The following PCDHGA11 variants were observed in gnomAD, a reference collection of about 807,000 sequenced individuals.
PCDHGA11 encodes the protein protocadherin gamma-A11.
Under a neutral mutation model 60.4 loss-of-function variants are expected in PCDHGA11, and 39 were observed. The observed-to-expected ratio is 0.65, with a 90% CI of 0.50 to 0.84. PCDHGA11 has a LOEUF of 0.84. PCDHGA11 is among the 40% of genes least tolerant of loss of function. PCDHGA11 has a pLI of 0.00. For missense variants in PCDHGA11, 1,165 were observed against 1,197.7 expected (o/e 0.97, Z 0.40); for synonymous variants, 533 against 510.3 (o/e 1.04, Z -0.60).
intron 1 of PCDHGA11, among the ~76,000 whole-genome samples, chr5:141,435,175 C>T (rs1199067294): frequency 6.6e-6 from 1 of 152,030 alleles, no homozygotes; most frequent in East Asian, 1.9e-4. Context: ...TGGCTTTTAA[C>T]TACACTTGAG....
In PCDHGA11 at chr5:141,477,625, C is replaced by T; in HGVS notation, c.2434-17182C>T. ...TTCTCTTGGAGCAAGGAGCTGAAACCGGGCTAGTGGGTCGCTATTTCACAA... is the reference window on the plus strand; with the variant it reads ...TTCTCTTGGAGCAAGGAGCTGAAACTGGGCTAGTGGGTCGCTATTTCACAA... On this transcript the variant is annotated intron_variant, in intron 1 of 3. Coordinates refer to ENST00000398587, the MANE Select transcript of PCDHGA11 (RefSeq NM_018914.3). This position sits in a 1 kb window ranked among gnomAD's most constrained non-coding sequence, Gnocchi z 4.9. The T allele has an allele frequency of 1.2e-6, 2 of 1,614,200 alleles. No homozygotes were observed. Among genetic ancestry groups the T allele is most frequent in the Non-Finnish European group, 1.7e-6 (2 of 1,180,046 alleles).
In PCDHGA11 at chr5:141,505,419, C is replaced by G. The variant is rs1303924776; in HGVS notation, c.2519C>G (p.Thr840Ser). 6 of 1,614,140 alleles carry G rather than the reference C, an allele frequency of 3.7e-6. No individual in the cohort carries two copies. The highest frequency in any genetic ancestry group is 4.2e-6 in the Non-Finnish European group (5 of 1,180,062). Residue 840 changes from threonine to serine, a missense_variant, in exon 3 of 4, where the codon ACC becomes AGC. Thr to Ser is a moderately conservative substitution (Grantham distance 58). Coordinates refer to ENST00000398587, the MANE Select transcript of PCDHGA11 (RefSeq NM_018914.3). ...SGSQNGDDTGTWPNNQFDTEM... is the reference protein window; with the variant it reads ...SGSQNGDDTGSWPNNQFDTEM... ...TCCCAAAATGGCGATGACACCGGCACCTGGCCCAACAACCAGTTTGACACA... is the reference window on the plus strand; with the variant it reads ...TCCCAAAATGGCGATGACACCGGCAGCTGGCCCAACAACCAGTTTGACACA...
At chr5:141,427,557 A>G (rs1437024906) in intron 1 of PCDHGA11, 1 of 650,060 alleles carries the variant, frequency 1.5e-6, no homozygotes, top group Non-Finnish European at 2.8e-6. Flanking sequence ...TGCCACTGAC[A>G]AGGGCAAGCC....
At chr5:141,481,812 C>T (rs2099545604) in intron 1 of PCDHGA11, among the ~76,000 whole-genome samples, 2 of 149,798 alleles carry the variant, frequency 1.3e-5, no homozygotes, top group South Asian at 2.1e-4. Context: ...ATTCACCAGG[C>T]GTGGTGGCTG....
intron 1 of PCDHGA11, among the ~76,000 whole-genome samples, chr5:141,468,791 G>A (rs941787269): frequency 2.6e-5 from 4 of 151,954 alleles, no homozygotes; most frequent in East Asian, 3.9e-4. Context: ...GCGTGAACCC[G>A]GGAGGCGGAA....
In PCDHGA11 at chr5:141,477,844, G is replaced by A. The variant is rs748180474; in HGVS notation, c.2434-16963G>A. On this transcript the variant is annotated intron_variant, in intron 1 of 3. Coordinates refer to ENST00000398587, the MANE Select transcript of PCDHGA11 (RefSeq NM_018914.3). This position sits in a 1 kb window ranked among gnomAD's most constrained non-coding sequence, Gnocchi z 4.9. ...TATATCCTCGGCCAGGTGGGAGCTC[G>A]GTGGAGATGCTGCCTCGAGGTACCT... The A allele has an allele frequency of 6.2e-7, 1 of 1,613,394 alleles. No individual in the cohort carries two copies.
At chr5:141,449,567 C>T (rs1412647192) in intron 1 of PCDHGA11, among the ~76,000 whole-genome samples, 2 of 133,846 alleles carry the variant, frequency 1.5e-5, no homozygotes, top group Non-Finnish European at 3.1e-5. Context: ...CCAGCCTGGG[C>T]GACAGAGCAA....
chr5:141,421,910 C>G lies in PCDHGA11; in HGVS notation c.683C>G (p.Pro228Arg). The G allele has an allele frequency of 6.2e-7, 1 of 1,613,716 alleles. No individual in the cohort carries two copies. Among genetic ancestry groups the G allele is most frequent in the Non-Finnish European group, 8.5e-7 (1 of 1,179,862 alleles). Residue 228 changes from proline (P) to arginine (R), a missense_variant, in exon 1 of 4, where the codon CCC becomes CGC. Transcript: ENST00000398587. The part of the protein sequence containing the change: ...GGDPIRKGAV[P>R]IRVVVLDVND... ...GATCCCATCCGAAAGGGCGCAGTTC[C>G]CATTCGTGTGGTGGTCCTCGATGTA...
At chr5:141,481,191 C>A (rs1244434918) in intron 1 of PCDHGA11, among the ~76,000 whole-genome samples, 1 of 152,148 alleles carries the variant, frequency 6.6e-6, no homozygotes, top group Non-Finnish European at 1.5e-5. Context: ...GGGCCAGGCC[C>A]AATTTTTTTA....
intron 1 of PCDHGA11, among the ~76,000 whole-genome samples, chr5:141,451,826 A>G (rs2098725686): frequency 6.6e-6 from 1 of 151,720 alleles, no homozygotes; most frequent in Non-Finnish European, 1.5e-5. Context: ...GGTTACAGTG[A>G]GCCGAGATCA....
rs765809429 is a variant in PCDHGA11 at position 141,511,205 on chromosome 5, C to A, written c.*32C>A. On this transcript the variant is annotated 3_prime_UTR_variant, in exon 4 of 4. Coordinates refer to ENST00000398587, the MANE Select transcript of PCDHGA11 (RefSeq NM_018914.3). ...GGCCAGGCCAAGAGCCACAGGGCGGCCTCTCCCCAACCAGCCCAGCTTCTC... is the reference window on the plus strand; with the variant it reads ...GGCCAGGCCAAGAGCCACAGGGCGGACTCTCCCCAACCAGCCCAGCTTCTC... 4.3e-6 allele frequency: 7 copies of A among 1,611,426 alleles called. No homozygotes were observed. The Admixed American group carries it at 6.7e-5, about 15-fold the overall frequency.
intron 1 of PCDHGA11, among the ~76,000 whole-genome samples, chr5:141,494,341 G>C (rs565090556): frequency 9.2e-5 from 14 of 152,352 alleles, no homozygotes; most frequent in Admixed American, 9.1e-4. Context: ...ACCAAGAACA[G>C]CAGCCATCTT....
chr5:141,429,697 C>T (rs2097236349), intron 1 of PCDHGA11, among the ~76,000 whole-genome samples: 1 of 152,134 alleles, frequency 6.6e-6, no homozygotes, highest in African/African-American at 2.4e-5. Context: ...AATATCTTTA[C>T]AGTATAAATA....
At chr5:141,433,869 T>C (rs1293077938) in intron 1 of PCDHGA11, among the ~76,000 whole-genome samples, 8 of 151,960 alleles carry the variant, frequency 5.3e-5, no homozygotes, top group Non-Finnish European at 7.4e-5. Flanking sequence ...TATCCTCTAG[T>C]TTCATCCATT....
In PCDHGA11 at chr5:141,476,012, T is replaced by C. The variant is rs2099383969; in HGVS notation, c.2434-18795T>C. The stretch of plus-strand genomic sequence containing the variant: ...CAAATCAACGGCATCCAGAAAGCCA[T>C]GTCGGACTCGGCGCCCAGCGCCCAA... On this transcript the variant is annotated intron_variant, in intron 1 of 3. Coordinates refer to ENST00000398587, the MANE Select transcript of PCDHGA11 (RefSeq NM_018914.3). This position sits in a 1 kb window ranked among gnomAD's most constrained non-coding sequence, Gnocchi z 7.6. 7.6e-7 allele frequency: 1 copy of C among 1,317,178 alleles called. No individual in the cohort carries two copies. The highest frequency in any genetic ancestry group is 1.4e-5 in the South Asian group (1 of 69,696). The allele number at this position is 1,317,178 out of a possible 1,614,324, so 81.6% of individuals were successfully genotyped here. A position where few individuals can be genotyped will look rare whatever the true frequency, so the allele number is the denominator to read the frequency against.
In PCDHGA11 at chr5:141,476,208, C is replaced by A. The variant is rs1266601125; in HGVS notation, c.2434-18599C>A. 1.2e-6 allele frequency: 2 copies of A among 1,613,912 alleles called. No homozygotes were observed. Among genetic ancestry groups the A allele is most frequent in the East Asian group, 4.5e-5 (2 of 44,826 alleles). On this transcript the variant is annotated intron_variant, in intron 1 of 3. Coordinates refer to ENST00000398587, the MANE Select transcript of PCDHGA11 (RefSeq NM_018914.3). The surrounding 1 kb of genome is among the most constrained non-coding windows in gnomAD (Gnocchi z 7.6). ...CTTGGTGCCTTGAACAAGGCTTCCA[C>A]GGTCATTCACTATGAGATCCCGGAG...
chr5:141,433,365 A>G (rs1347170890), intron 1 of PCDHGA11: 7 of 523,718 alleles, frequency 1.3e-5, no homozygotes, highest in Non-Finnish European at 2.4e-5. Context: ...CTGCCTATCT[A>G]TCTATCTATC....
At position 141,421,904 on chromosome 5, in the gene PCDHGA11, C is replaced by T. The variant is rs1561797509; in HGVS notation, c.677C>T (p.Ala226Val). Residue 226 changes from alanine to valine, a missense_variant, in exon 1 of 4, where the codon GCA becomes GTA. Coordinates refer to ENST00000398587, the MANE Select transcript of PCDHGA11 (RefSeq NM_018914.3). ...GGAGGCGATCCCATCCGAAAGGGCG[C>T]AGTTCCCATTCGTGTGGTGGTCCTC... Reference protein sequence around the residue: ...LDGGDPIRKGAVPIRVVVLDV... With the variant: ...LDGGDPIRKGVVPIRVVVLDV... 1 of 1,613,734 alleles carries T rather than the reference C, an allele frequency of 6.2e-7. No individual in the cohort carries two copies. Among genetic ancestry groups the T allele is most frequent in the Admixed American group, 1.7e-5 (1 of 60,010 alleles).
chr5:141,478,520 G>A, intron 1 of PCDHGA11: 1 of 1,610,510 alleles, frequency 6.2e-7, no homozygotes, highest in Non-Finnish European at 8.5e-7. Context: ...GCAGGTGTTG[G>A]GTGCAGAGAG....
Sources: allele counts gnomAD v4.1 joint callset (sites outside exome capture counted in the v4.1 genomes callset), GRCh38; gene constraint gnomAD v4.1.1; non-coding constraint Gnocchi (gnomAD v3.1); transcripts MANE v1.5; gene names NCBI Gene and HGNC (gene_info 2026-07-23, HGNC 2026-07-21).